Variants in PRKCA observed in about 807,000 individuals in gnomAD.
The protein encoded by PRKCA is protein kinase C alpha type.
In PRKCA, 27 loss-of-function variants were observed where a neutral mutation model predicts 87.0. The ratio of observed to expected loss-of-function variants is 0.31; its 90% CI spans 0.23 to 0.43. The LOEUF (loss-of-function observed/expected upper bound fraction) is 0.43, where lower values mean the gene tolerates loss of function less well. PRKCA is among the 20% of genes least tolerant of loss of function. The pLI is 1.00. For synonymous variants in PRKCA, 329 were observed against 311.1 expected (o/e 1.06, Z -0.61); for missense variants, 518 against 852.3 (o/e 0.61, Z 4.88).
chr17:66,373,373 G>T (rs565584558), intron 2 of PRKCA, among the ~76,000 whole-genome samples: 4 of 152,254 alleles, frequency 2.6e-5, no homozygotes, highest in African/African-American at 9.6e-5. Context: ...CCCAGAGAGG[G>T]TAAGTGACTT....
intron 5 of PRKCA, among the ~76,000 whole-genome samples, chr17:66,667,238 C>T (rs1195554839): frequency 2.0e-5 from 3 of 152,146 alleles, no homozygotes; most frequent in East Asian, 1.9e-4. Context: ...GATGTCAAAT[C>T]GAGTTAAACA....
chr17:66,649,410 A>G (rs1971534681), intron 5 of PRKCA, among the ~76,000 whole-genome samples: 1 of 152,232 alleles, frequency 6.6e-6, no homozygotes, highest in Non-Finnish European at 1.5e-5. Context: ...CTGGACCTTT[A>G]TGCTCAGCAT....
chr17:66,648,956 T>G (rs1971519457), intron 5 of PRKCA, among the ~76,000 whole-genome samples: 2 of 151,818 alleles, frequency 1.3e-5, no homozygotes, highest in African/African-American at 4.8e-5. Flanking sequence ...TAGCCAAGTA[T>G]GGTGGCATGC....
At chr17:66,775,128 T>C (rs1301372000) in intron 14 of PRKCA, 8 of 984,252 alleles carry the variant, frequency 8.1e-6, no homozygotes, top group South Asian at 4.7e-5. Context: ...ATGGTGGTGC[T>C]GATGGATGCG....
At chr17:66,696,328 A>T (rs1332017091) in intron 8 of PRKCA, 2 of 152,214 alleles carry the variant, frequency 1.3e-5, no homozygotes, top group African/African-American at 4.8e-5. Context: ...TGCAATTTAA[A>T]ATAGCCATAG....
intron 8 of PRKCA, among the ~76,000 whole-genome samples, chr17:66,699,864 G>T (rs943599224): frequency 2.6e-5 from 4 of 152,210 alleles, no homozygotes; most frequent in African/African-American, 9.6e-5. Context: ...ACTGTGCCCA[G>T]ACTCTACCAA....
At chr17:66,750,201 T>A (rs1331415800) in intron 13 of PRKCA, among the ~76,000 whole-genome samples, 1 of 150,634 alleles carries the variant, frequency 6.6e-6, no homozygotes, top group Non-Finnish European at 1.5e-5. Flanking sequence ...GATCAGCCGC[T>A]TCTGAACCAT....
chr17:66,339,308 T>C (rs979185398), intron 2 of PRKCA, among the ~76,000 whole-genome samples: 1 of 152,230 alleles, frequency 6.6e-6, no homozygotes, highest in Non-Finnish European at 1.5e-5. Context: ...CAGAAATAGT[T>C]AATCTATCTT....
chr17:66,616,546 A>G (rs901369263), intron 3 of PRKCA, among the ~76,000 whole-genome samples: 3 of 152,208 alleles, frequency 2.0e-5, no homozygotes, highest in African/African-American at 7.2e-5. Flanking sequence ...ACACAGAGTG[A>G]GTAAGGCACG....
intron 5 of PRKCA, among the ~76,000 whole-genome samples, chr17:66,661,656 C>G (rs997990426): frequency 3.3e-5 from 5 of 152,278 alleles, no homozygotes; most frequent in African/African-American, 9.6e-5. Flanking sequence ...ATTCAGCCAC[C>G]CAGTGCATTA....
At chr17:66,379,332 T>C (rs1909657558) in intron 2 of PRKCA, among the ~76,000 whole-genome samples, 1 of 152,240 alleles carries the variant, frequency 6.6e-6, no homozygotes, top group Non-Finnish European at 1.5e-5. Context: ...TCATCCTTTT[T>C]ATTTAGTCAG....
chr17:66,397,487 A>G (rs1465547711), intron 2 of PRKCA, among the ~76,000 whole-genome samples: 1 of 151,918 alleles, frequency 6.6e-6, no homozygotes, highest in Non-Finnish European at 1.5e-5. Flanking sequence ...AAGAAAAGAT[A>G]TATCTTTAAA....
chr17:66,655,947 G>A (rs909691518), intron 5 of PRKCA, among the ~76,000 whole-genome samples: 11 of 152,152 alleles, frequency 7.2e-5, no homozygotes, highest in African/African-American at 2.2e-4. Flanking sequence ...TTTACATTCC[G>A]ACTGTGGTAC....
chr17:66,401,452 G>C (rs1434836116), intron 2 of PRKCA, among the ~76,000 whole-genome samples: 3 of 152,192 alleles, frequency 2.0e-5, no homozygotes, highest in East Asian at 3.9e-4. Context: ...ATAGGCAGAA[G>C]GTGAGGCCAA....
At chr17:66,645,340 G>A (rs1971422547) in intron 4 of PRKCA, 43 bp from the exon 5 acceptor site, 1 of 1,612,968 alleles carries the variant, frequency 6.2e-7, no homozygotes, top group African/African-American at 1.3e-5. Flanking sequence ...GCGGTGGTTG[G>A]AGTCCATATG....
chr17:66,446,681 G>A (rs56846375), intron 2 of PRKCA, among the ~76,000 whole-genome samples: 2,163 of 152,248 alleles, frequency 0.014, 47 homozygotes, highest in African/African-American at 0.049. Context: ...ACCCCTCCAA[G>A]GCAGCACTGC....
At chr17:66,775,246 C>T in intron 14 of PRKCA, 1 of 983,696 alleles carries the variant, frequency 1.0e-6, no homozygotes, top group Non-Finnish European at 1.2e-6. Flanking sequence ...CAGGTTCATT[C>T]AAGGACACAG....
At chr17:66,362,317 C>G (rs941931825) in intron 2 of PRKCA, among the ~76,000 whole-genome samples, 1 of 152,170 alleles carries the variant, frequency 6.6e-6, no homozygotes, top group East Asian at 1.9e-4. Flanking sequence ...GGATTACAGG[C>G]ATGAGCCACC....
At chr17:66,421,988 G>A (rs182355881) in intron 2 of PRKCA, among the ~76,000 whole-genome samples, 57 of 152,198 alleles carry the variant, frequency 3.7e-4, no homozygotes, top group African/African-American at 1.2e-3. Context: ...TAAGATCAAG[G>A]TGTCAGCAGG....
Sources: allele counts gnomAD v4.1 joint callset (sites outside exome capture counted in the v4.1 genomes callset), GRCh38; gene constraint gnomAD v4.1.1; transcripts MANE v1.5; gene names NCBI Gene and HGNC (gene_info 2026-07-23, HGNC 2026-07-21).